SSBP2: variants seen among roughly 807,000 people sequenced by gnomAD.
SSBP2 encodes the protein single stranded DNA binding protein 2.
In SSBP2, 17 loss-of-function variants were observed where a neutral mutation model predicts 61.8. That is an observed-to-expected ratio of 0.28 (90% CI 0.19 to 0.41). SSBP2 has a LOEUF of 0.41. Among genes scored for constraint, SSBP2 ranks in the 10% least tolerant of loss-of-function variants. The probability of loss-of-function intolerance (pLI) is 1.00; values close to 1 mark genes in which losing one functional copy is unlikely to be tolerated. For missense variants in SSBP2, 310 were observed against 458.7 expected, an observed-to-expected ratio of 0.68 and a Z score of 2.96; for synonymous variants, 139 against 141.3, an observed-to-expected ratio of 0.98 and a Z score of 0.12.
At chr5:81,603,999 A>G (rs1744633008) in intron 4 of SSBP2, among the ~76,000 whole-genome samples, 1 of 152,156 alleles carries the variant, frequency 6.6e-6, no homozygotes, top group Non-Finnish European at 1.5e-5. Flanking sequence ...TGAGGGAAAA[A>G]ATACATGTTA....
chr5:81,513,138 TATA>T (rs1321012984), intron 5 of SSBP2, among the ~76,000 whole-genome samples: 1 of 152,098 alleles, frequency 6.6e-6, no homozygotes, highest in African/African-American at 2.4e-5. Context: ...TAAAATGTTA[TATA>T]ATATTAATAA....
At chr5:81,662,982 C>G (rs749857034) in intron 1 of SSBP2, among the ~76,000 whole-genome samples, 9 of 152,082 alleles carry the variant, frequency 5.9e-5, no homozygotes, top group Admixed American at 1.3e-4. Flanking sequence ...ACTTAAGTGT[C>G]TAATTACAGA....
chr5:81,658,676 T>C (rs1054812122), intron 1 of SSBP2, among the ~76,000 whole-genome samples: 1 of 152,178 alleles, frequency 6.6e-6, no homozygotes, highest in African/African-American at 2.4e-5. Flanking sequence ...TTCCTCTGCC[T>C]CACTCATTTA....
chr5:81,667,739 A>G (rs1751267613), intron 1 of SSBP2, among the ~76,000 whole-genome samples: 1 of 152,180 alleles, frequency 6.6e-6, no homozygotes, highest in Non-Finnish European at 1.5e-5. Flanking sequence ...ATTGTATTGA[A>G]TTGTTACCTC....
chr5:81,623,428 C>T (rs560205310), intron 3 of SSBP2, among the ~76,000 whole-genome samples: 164 of 151,258 alleles, frequency 1.1e-3, no homozygotes, highest in African/African-American at 3.7e-3. Context: ...CTCTGCCTCC[C>T]GGGTTCACGC....
At chr5:81,485,884 C>T (rs1272336450) in intron 6 of SSBP2, among the ~76,000 whole-genome samples, 1 of 152,136 alleles carries the variant, frequency 6.6e-6, no homozygotes, top group East Asian at 1.9e-4. Flanking sequence ...TTAATGACTA[C>T]ATAACAAAAT....
intron 4 of SSBP2, among the ~76,000 whole-genome samples, chr5:81,532,980 G>C (rs1399083978): frequency 6.6e-6 from 1 of 151,854 alleles, no homozygotes; most frequent in Non-Finnish European, 1.5e-5. Context: ...ACCGATAGTA[G>C]ACAGAAAATT....
chr5:81,732,879 G>C (rs371191910), intron 1 of SSBP2, among the ~76,000 whole-genome samples: 25 of 152,288 alleles, frequency 1.6e-4, no homozygotes, highest in African/African-American at 6.0e-4. Context: ...TATTTTGGAA[G>C]TCTTGTGCAC....
chr5:81,588,099 G>C (rs1469790468), intron 4 of SSBP2, among the ~76,000 whole-genome samples: 3 of 151,974 alleles, frequency 2.0e-5, no homozygotes, highest in Admixed American at 1.3e-4. Context: ...CCAAAGTGCT[G>C]GGATTACAAG....
At chr5:81,544,169 C>A (rs1426622913) in intron 4 of SSBP2, among the ~76,000 whole-genome samples, 2 of 152,162 alleles carry the variant, frequency 1.3e-5, no homozygotes, top group African/African-American at 4.8e-5. Context: ...CCTGCCTCAG[C>A]CTCCTGAGTA....
intron 3 of SSBP2, among the ~76,000 whole-genome samples, chr5:81,631,952 C>T (rs1005178557): frequency 1.3e-5 from 2 of 152,134 alleles, no homozygotes; most frequent in Admixed American, 6.6e-5. Flanking sequence ...CTCCTTGCCT[C>T]ACCCTGCAAC....
intron 9 of SSBP2, among the ~76,000 whole-genome samples, chr5:81,464,237 C>G (rs960234097): frequency 1.3e-5 from 2 of 152,042 alleles, no homozygotes; most frequent in African/African-American, 4.8e-5. Context: ...GTTAGGGGTG[C>G]TTTAATACTA....
chr5:81,630,486 T>G (rs960033137), intron 3 of SSBP2, among the ~76,000 whole-genome samples: 1 of 152,140 alleles, frequency 6.6e-6, no homozygotes, highest in Admixed American at 6.5e-5. Flanking sequence ...GAAGGAGGCA[T>G]CTCAAAGAGT....
intron 4 of SSBP2, among the ~76,000 whole-genome samples, chr5:81,600,919 CTGAA>C (rs1393687122): frequency 1.3e-5 from 2 of 152,098 alleles, no homozygotes; most frequent in Non-Finnish European, 2.9e-5. Flanking sequence ...TTACCTTTGA[CTGAA>C]TATGCTGAAC....
At chr5:81,673,688 C>G (rs34870295) in intron 1 of SSBP2, among the ~76,000 whole-genome samples, 1 of 151,956 alleles carries the variant, frequency 6.6e-6, no homozygotes, top group East Asian at 1.9e-4. Flanking sequence ...TGATGCATAG[C>G]CTGCAAAAAG....
chr5:81,456,337 AAACT>A (rs1051646795), intron 10 of SSBP2, among the ~76,000 whole-genome samples: 1 of 148,798 alleles, frequency 6.7e-6, no homozygotes, highest in African/African-American at 2.4e-5. Context: ...TTTCTTTAGT[AAACT>A]ATTTCTGCCT....
At chr5:81,541,658 A>G (rs1771281146) in intron 4 of SSBP2, among the ~76,000 whole-genome samples, 1 of 152,204 alleles carries the variant, frequency 6.6e-6, no homozygotes, top group Non-Finnish European at 1.5e-5. Context: ...GTAGACAAAA[A>G]TACTAAATGG....
intron 16 of SSBP2, among the ~76,000 whole-genome samples, chr5:81,426,635 G>T (rs1761969747): frequency 6.6e-6 from 1 of 152,184 alleles, no homozygotes; most frequent in South Asian, 2.1e-4. Context: ...TAGTCCATTA[G>T]GGATTGAAGG....
chr5:81,746,255 A>G (rs1410093612), intron 1 of SSBP2, among the ~76,000 whole-genome samples: 1 of 152,154 alleles, frequency 6.6e-6, no homozygotes, highest in African/African-American at 2.4e-5. Flanking sequence ...AAAAAGATCA[A>G]TCAAAAGCTA....
Sources: allele counts gnomAD v4.1 joint callset (sites outside exome capture counted in the v4.1 genomes callset), GRCh38; gene constraint gnomAD v4.1.1; transcripts MANE v1.5; gene names NCBI Gene and HGNC (gene_info 2026-07-23, HGNC 2026-07-21).